Variants in NTRK3 observed in about 807,000 individuals in gnomAD.
NTRK3 encodes the protein NT-3 growth factor receptor.
Under a neutral mutation model 91.7 loss-of-function variants are expected in NTRK3, and 24 were observed. The ratio of observed to expected loss-of-function variants is 0.26; its 90% CI spans 0.19 to 0.37. The LOEUF is 0.37. Ranked by LOEUF, NTRK3 falls within the 10% of genes least tolerant of loss-of-function variation. The pLI is 1.00. For synonymous variants in NTRK3, 483 were observed against 404.0 expected (o/e 1.20, Z -2.34); for missense variants, 880 against 1,068.9 (o/e 0.82, Z 2.46).
chr15:87,910,282 C>T (rs1235531851), intron 17 of NTRK3, among the ~76,000 whole-genome samples: 4 of 152,166 alleles, frequency 2.6e-5, no homozygotes, highest in Non-Finnish European at 4.4e-5. Context: ...TTTGGACTGA[C>T]CAGGCATGGA....
chr15:87,965,800 G>A (rs1212090356), intron 14 of NTRK3, among the ~76,000 whole-genome samples: 1 of 152,180 alleles, frequency 6.6e-6, no homozygotes, highest in Non-Finnish European at 1.5e-5. Context: ...CCATTAGGCT[G>A]AGCAAGGTGG....
chr15:88,172,022 A>G (rs1365361630), intron 5 of NTRK3, among the ~76,000 whole-genome samples: 1 of 152,256 alleles, frequency 6.6e-6, no homozygotes. Flanking sequence ...TGCAGTTTGC[A>G]TGAAGTCGGC....
At chr15:87,904,058 C>T (rs746081768) in intron 17 of NTRK3, among the ~76,000 whole-genome samples, 21 of 152,038 alleles carry the variant, frequency 1.4e-4, no homozygotes, top group African/African-American at 4.8e-5. Context: ...CTTAGAAATA[C>T]TAAGTTTGTT....
chr15:87,898,030 G>C (rs1162339738), intron 17 of NTRK3, among the ~76,000 whole-genome samples: 1 of 152,176 alleles, frequency 6.6e-6, no homozygotes, highest in Non-Finnish European at 1.5e-5. Flanking sequence ...GAGATAGTAA[G>C]TGAAACAGAG....
chr15:88,215,327 G>A (rs1371397104), intron 3 of NTRK3, among the ~76,000 whole-genome samples: 1 of 152,234 alleles, frequency 6.6e-6, no homozygotes, highest in African/African-American at 2.4e-5. Flanking sequence ...AGCATGCCCA[G>A]CTCCAGGGCA....
chr15:88,069,687 A>C (rs2046944275), intron 13 of NTRK3, among the ~76,000 whole-genome samples: 1 of 152,226 alleles, frequency 6.6e-6, no homozygotes, highest in Non-Finnish European at 1.5e-5. Context: ...GGAAATTGGC[A>C]CAGAACACGT....
rs1310357501 is a variant in NTRK3 at position 87,895,780 on chromosome 15, T to C, written c.2134-15352A>G. Among the ~76,000 whole-genome samples the C allele has an allele frequency of 1.8e-3, 24 of 13,362 alleles. 1 individual carries two copies. The highest frequency in any genetic ancestry group is 0.014 in the Admixed American group (22 of 1,596). 8.8% of individuals were successfully genotyped at this position (13,362 alleles called of 152,430 possible). On this transcript the variant is annotated intron_variant, in intron 17 of 18. Coordinates refer to ENST00000394480, the Ensembl canonical transcript of NTRK3. ...AACTTGGTCTCCACAATCCTTTATC[T>C]TTTTTTTTTCATTTTATTTTATTTT...
intron 17 of NTRK3, among the ~76,000 whole-genome samples, chr15:87,899,005 C>A (rs945920182): frequency 6.6e-6 from 1 of 152,088 alleles, no homozygotes; most frequent in Admixed American, 6.6e-5. Context: ...ACTACTAACA[C>A]CATAACAACT....
intron 3 of NTRK3, among the ~76,000 whole-genome samples, chr15:88,252,335 A>G (rs1490165876): frequency 3.9e-5 from 6 of 152,114 alleles, no homozygotes; most frequent in Non-Finnish European, 5.9e-5. Context: ...ATGACGGCCA[A>G]AGCCCCGAAT....
intron 13 of NTRK3, among the ~76,000 whole-genome samples, chr15:88,033,983 C>T (rs1275028286): frequency 6.6e-6 from 1 of 152,126 alleles, no homozygotes; most frequent in Admixed American, 6.5e-5. Flanking sequence ...GCAAGCTGGA[C>T]ATCAGATTGT....
intron 13 of NTRK3, among the ~76,000 whole-genome samples, chr15:88,063,300 C>A (rs963150234): frequency 6.6e-6 from 1 of 152,222 alleles, no homozygotes; most frequent in Non-Finnish European, 1.5e-5. Context: ...GTCACCAACT[C>A]ATGCAAGCAT....
At chr15:87,964,216 C>G (rs1026476532) in intron 14 of NTRK3, among the ~76,000 whole-genome samples, 1 of 152,054 alleles carries the variant, frequency 6.6e-6, no homozygotes, top group Admixed American at 6.6e-5. Flanking sequence ...GGTTACTTAT[C>G]TGGTAATGGT....
At chr15:87,931,091 A>C in intron 16 of NTRK3, 1 of 375,162 alleles carries the variant, frequency 2.7e-6, no homozygotes, top group Admixed American at 3.6e-5. Context: ...TGCTTCTTCC[A>C]CTCCTTATCT....
intron 13 of NTRK3, among the ~76,000 whole-genome samples, chr15:88,082,016 G>T (rs559560204): frequency 6.6e-6 from 1 of 152,232 alleles, no homozygotes; most frequent in East Asian, 1.9e-4. Context: ...GACTCTAAAA[G>T]GTTCACCTCC....
intron 14 of NTRK3, among the ~76,000 whole-genome samples, chr15:87,992,800 C>T (rs981164840): frequency 6.6e-6 from 1 of 152,224 alleles, no homozygotes; most frequent in Non-Finnish European, 1.5e-5. Flanking sequence ...GCCATCTCAG[C>T]TCCCATGTTC....
At chr15:88,073,468 A>G (rs1232963875) in intron 13 of NTRK3, among the ~76,000 whole-genome samples, 1 of 152,110 alleles carries the variant, frequency 6.6e-6, no homozygotes, top group Admixed American at 6.5e-5. Context: ...GTGTTGTCAC[A>G]AGCCTTTCAG....
chr15:87,861,083 G>A (rs1180317508), exon 19 of NTRK3: 2 of 226,922 alleles, frequency 8.8e-6, no homozygotes, highest in South Asian at 3.7e-4. Context: ...TGTCCCACAT[G>A]CCAAACATAC....
intron 14 of NTRK3, among the ~76,000 whole-genome samples, chr15:87,990,758 G>A (rs896610417): frequency 3.9e-5 from 6 of 151,942 alleles, no homozygotes; most frequent in South Asian, 2.1e-4. Flanking sequence ...ATCTATATAT[G>A]TTTATCTCTA....
At chr15:87,974,967 G>C (rs2073598428) in intron 14 of NTRK3, among the ~76,000 whole-genome samples, 1 of 152,140 alleles carries the variant, frequency 6.6e-6, no homozygotes, top group African/African-American at 2.4e-5. Flanking sequence ...CTGCAGAGTG[G>C]CCAAAAGCAT....
Sources: allele counts gnomAD v4.1 joint callset (sites outside exome capture counted in the v4.1 genomes callset), GRCh38; gene constraint gnomAD v4.1.1; transcripts MANE v1.5; gene names NCBI Gene and HGNC (gene_info 2026-07-23, HGNC 2026-07-21).